ATXN1: variants seen among roughly 807,000 people sequenced by gnomAD.
ATXN1 encodes the protein ataxin-1.
In ATXN1, 8 loss-of-function variants were observed where a neutral mutation model predicts 56.4. That is an observed-to-expected ratio of 0.14 (90% CI 0.08 to 0.26). The LOEUF (loss-of-function observed/expected upper bound fraction) is 0.26, where lower values mean the gene tolerates loss of function less well. Among genes scored for constraint, ATXN1 ranks in the 10% least tolerant of loss-of-function variants. The pLI, the probability that ATXN1 is intolerant of heterozygous loss-of-function variation, is 1.00. For synonymous variants in ATXN1, 514 were observed against 494.6 expected (o/e 1.04, Z -0.52); for missense variants, 987 against 1,106.5 (o/e 0.89, Z 1.53).
At chr6:16,592,713 T>C (rs1172400343) in intron 3 of ATXN1, among the ~76,000 whole-genome samples, 1 of 152,082 alleles carries the variant, frequency 6.6e-6, no homozygotes, top group Non-Finnish European at 1.5e-5. Context: ...ACTTCAAGAA[T>C]GGAGCCGCTA....
chr6:16,464,458 C>T lies in ATXN1; in HGVS notation c.-161+21514G>A, dbSNP rs149470649. Among the ~76,000 whole-genome samples the T allele has an allele frequency of 8.6e-4, 131 of 152,272 alleles. 1 individual carries two copies. Among genetic ancestry groups the T allele is most frequent in the African/African-American group, 3.0e-3 (125 of 41,556 alleles). On this transcript the variant is annotated intron_variant, in intron 6 of 7. Coordinates refer to ENST00000436367, the MANE Select transcript of ATXN1 (RefSeq NM_001128164.2). The stretch of plus-strand genomic sequence containing the variant: ...AGCAACCCACTTGGGTCCCCTTCCA[C>T]GCTGTGGAAGCTTTGTCCTTTTGCT...
At chr6:16,573,249 A>G (rs893488703) in intron 4 of ATXN1, among the ~76,000 whole-genome samples, 1 of 151,810 alleles carries the variant, frequency 6.6e-6, no homozygotes, top group African/African-American at 2.4e-5. Context: ...AGGCATGCAA[A>G]TATCTGCTGA....
chr6:16,341,071 G>C (rs746197138), intron 6 of ATXN1, among the ~76,000 whole-genome samples: 1 of 152,208 alleles, frequency 6.6e-6, no homozygotes, highest in Non-Finnish European at 1.5e-5. Flanking sequence ...GAGTGAAATT[G>C]ACTTACTAGA....
chr6:16,485,983 C>T lies in ATXN1; in HGVS notation c.-172G>A, dbSNP rs901126887. On this transcript the variant is annotated 5_prime_UTR_variant, in exon 6 of 8. Coordinates refer to ENST00000436367, the MANE Select transcript of ATXN1 (RefSeq NM_001128164.2). ...GGTTGTTAACTTACAACATTCACTG[C>T]GTACTGTTCACAGGTAGCCTCAGCC... The T allele has an allele frequency of 3.9e-5, 6 of 152,138 alleles. No homozygotes were observed. Among genetic ancestry groups the T allele is most frequent in the African/African-American group, 7.2e-5 (3 of 41,414 alleles). 9.4% of individuals were successfully genotyped at this position (152,138 alleles called of 1,614,324 possible).
intron 6 of ATXN1, among the ~76,000 whole-genome samples, chr6:16,484,209 G>C (rs1760494928): frequency 6.6e-6 from 1 of 152,152 alleles, no homozygotes; most frequent in South Asian, 2.1e-4. Flanking sequence ...GAGGCGGGAG[G>C]ATCACTTGAG....
intron 7 of ATXN1, among the ~76,000 whole-genome samples, chr6:16,314,620 TTA>T (rs1198799728): frequency 6.6e-6 from 1 of 152,040 alleles, no homozygotes; most frequent in Admixed American, 6.6e-5. Flanking sequence ...GTTATTATTA[TTA>T]TTTTTTTTTT....
intron 3 of ATXN1, among the ~76,000 whole-genome samples, chr6:16,637,489 G>C (rs1202034976): frequency 1.3e-5 from 2 of 151,464 alleles, no homozygotes; most frequent in Admixed American, 6.6e-5. Context: ...AGAACTTAAA[G>C]TATAATAAAA....
intron 6 of ATXN1, among the ~76,000 whole-genome samples, chr6:16,418,626 T>C (rs1758965399): frequency 6.6e-6 from 1 of 151,572 alleles, no homozygotes; most frequent in African/African-American, 2.4e-5. Flanking sequence ...GTTGCATATG[T>C]ATACATGTGC....
intron 6 of ATXN1, among the ~76,000 whole-genome samples, chr6:16,398,776 T>C (rs1444167866): frequency 4.6e-5 from 7 of 152,238 alleles, no homozygotes; most frequent in African/African-American, 1.7e-4. Flanking sequence ...AATGCTTGGC[T>C]AGATGGCAAG....
intron 3 of ATXN1, among the ~76,000 whole-genome samples, chr6:16,617,139 A>T (rs905674262): frequency 6.6e-5 from 10 of 152,170 alleles, no homozygotes; most frequent in Non-Finnish European, 4.4e-5. Flanking sequence ...GTATAAGGAA[A>T]ATAAAGATTA....
chr6:16,492,152 C>T (rs1483913702), intron 5 of ATXN1, among the ~76,000 whole-genome samples: 4 of 152,006 alleles, frequency 2.6e-5, no homozygotes, highest in Admixed American at 6.6e-5. Context: ...TCAACTAAGC[C>T]ATGCCTGGAC....
intron 2 of ATXN1, among the ~76,000 whole-genome samples, chr6:16,697,119 T>G (rs141701429): frequency 6.6e-6 from 1 of 152,336 alleles, no homozygotes; most frequent in East Asian, 1.9e-4. Context: ...GCGGGATGAA[T>G]ACACCTGCTG....
chr6:16,587,487 A>C (rs1762645908), intron 3 of ATXN1, among the ~76,000 whole-genome samples: 1 of 152,238 alleles, frequency 6.6e-6, no homozygotes, highest in African/African-American at 2.4e-5. Context: ...CATATCAAGA[A>C]ATCAACAAAA....
chr6:16,660,251 G>C (rs2113364347), intron 2 of ATXN1, among the ~76,000 whole-genome samples: 1 of 152,268 alleles, frequency 6.6e-6, no homozygotes, highest in African/African-American at 2.4e-5. Context: ...TTTACCATTT[G>C]AAGTTATCAT....
At position 16,584,243 on chromosome 6, in the gene ATXN1, T is replaced by TATAC. The variant is rs1403082306; in HGVS notation, c.-361+1536_-361+1537insGTAT. ...TTGGACATATATATATATATATATATACACACACACACACACACACACACA... is the reference window on the plus strand; with the variant it reads ...TTGGACATATATATATATATATATATATACACACACACACACACACACACACACA... On this transcript the variant is annotated intron_variant, in intron 4 of 7. Transcript: ENST00000436367. Among the ~76,000 whole-genome samples, 389 of 118,506 alleles carry TATAC rather than the reference T, an allele frequency of 3.3e-3. 1 individual carries two copies. Among genetic ancestry groups the TATAC allele is most frequent in the African/African-American group, 0.012 (368 of 30,288 alleles). The allele number at this position is 118,506 out of a possible 152,430, so 77.7% of individuals were successfully genotyped here. A position where few individuals can be genotyped will look rare whatever the true frequency, so the allele number is the denominator to read the frequency against.
chr6:16,494,202 G>C (rs895763952), intron 5 of ATXN1, among the ~76,000 whole-genome samples: 1 of 152,032 alleles, frequency 6.6e-6, no homozygotes, highest in African/African-American at 2.4e-5. Flanking sequence ...GTTGGAGGGA[G>C]GTCAGCGTGG....
chr6:16,421,008 G>A (rs1165840969), intron 6 of ATXN1, among the ~76,000 whole-genome samples: 3 of 152,214 alleles, frequency 2.0e-5, no homozygotes, highest in Non-Finnish European at 4.4e-5. Flanking sequence ...ACTGGTTTAT[G>A]GTAGGAAAAC....
chr6:16,532,296 T>A (rs948962064), intron 4 of ATXN1, among the ~76,000 whole-genome samples: 1 of 152,224 alleles, frequency 6.6e-6, no homozygotes, highest in African/African-American at 2.4e-5. Flanking sequence ...CAGTCGGTGG[T>A]ATATTCTGCA....
intron 6 of ATXN1, among the ~76,000 whole-genome samples, chr6:16,451,464 CA>C (rs1168279935): frequency 6.6e-6 from 1 of 150,450 alleles, no homozygotes; most frequent in Admixed American, 6.6e-5. Context: ...GACTCCGTCT[CA>C]AAAAAAAAGG....
Sources: allele counts gnomAD v4.1 joint callset (sites outside exome capture counted in the v4.1 genomes callset), GRCh38; gene constraint gnomAD v4.1.1; transcripts MANE v1.5; gene names NCBI Gene and HGNC (gene_info 2026-07-23, HGNC 2026-07-21).